The following GRIK2 variants were observed in gnomAD, a reference collection of about 807,000 sequenced individuals.
GRIK2 encodes glutamate ionotropic receptor kainate type subunit 2.
GRIK2 carries 32 observed loss-of-function variants against 100.3 expected under a neutral mutation model. That is an observed-to-expected ratio of 0.32 (90% CI 0.24 to 0.43). The LOEUF is 0.43. GRIK2 is among the 20% of genes least tolerant of loss of function. The pLI is 1.00. For synonymous variants in GRIK2, 417 were observed against 389.4 expected, an observed-to-expected ratio of 1.07 and a Z score of -0.83; for missense variants, 843 against 1,114.9, an observed-to-expected ratio of 0.76 and a Z score of 3.47.
At chr6:101,678,459 T>C (rs1771001110) in intron 5 of GRIK2, among the ~76,000 whole-genome samples, 1 of 152,022 alleles carries the variant, frequency 6.6e-6, no homozygotes, top group Non-Finnish European at 1.5e-5. Context: ...AATATGAAAG[T>C]TGAGATGAAT....
chr6:101,920,571 G>T (rs1698323010), intron 12 of GRIK2, among the ~76,000 whole-genome samples: 4 of 151,848 alleles, frequency 2.6e-5, no homozygotes, highest in Admixed American at 2.6e-4. Context: ...CTCTATTATA[G>T]ATATCCTCCA....
chr6:101,992,869 TA>T (rs1267907935), intron 14 of GRIK2, among the ~76,000 whole-genome samples: 6 of 151,498 alleles, frequency 4.0e-5, no homozygotes, highest in Non-Finnish European at 1.5e-5. Flanking sequence ...GTAGCTTCCT[TA>T]AAAAGGAGAT....
At chr6:101,525,778 G>T (rs1164060364) in intron 2 of GRIK2, among the ~76,000 whole-genome samples, 1 of 152,174 alleles carries the variant, frequency 6.6e-6, no homozygotes, top group Non-Finnish European at 1.5e-5. Flanking sequence ...AAAATAATGT[G>T]CATGTGTAAT....
chr6:101,933,440 C>T (rs753440090), intron 14 of GRIK2, among the ~76,000 whole-genome samples: 6 of 151,892 alleles, frequency 4.0e-5, no homozygotes, highest in African/African-American at 1.4e-4. Flanking sequence ...AACATTTTGT[C>T]ATTTTGTTTG....
At chr6:101,823,067 C>T (rs1272664157) in intron 10 of GRIK2, among the ~76,000 whole-genome samples, 3 of 152,090 alleles carry the variant, frequency 2.0e-5, no homozygotes. Flanking sequence ...CTACGGAGAA[C>T]ATTATTTAGG....
At chr6:101,792,615 A>G (rs1033804755) in intron 7 of GRIK2, among the ~76,000 whole-genome samples, 5 of 151,986 alleles carry the variant, frequency 3.3e-5, no homozygotes, top group Non-Finnish European at 7.4e-5. Flanking sequence ...GGGTAACCCG[A>G]CCTTTCTCTC....
intron 11 of GRIK2, among the ~76,000 whole-genome samples, chr6:101,865,460 C>T (rs1035654597): frequency 6.6e-6 from 1 of 152,070 alleles, no homozygotes. Context: ...GGTATTATCA[C>T]AAAAATGGAA....
chr6:101,544,745 A>G (rs889342839), intron 2 of GRIK2, among the ~76,000 whole-genome samples: 1 of 152,138 alleles, frequency 6.6e-6, no homozygotes, highest in Non-Finnish European at 1.5e-5. Context: ...TATTGTTATT[A>G]TTCTGCTCAC....
chr6:101,912,296 CT>C (rs1788775748), intron 12 of GRIK2, among the ~76,000 whole-genome samples: 2 of 151,222 alleles, frequency 1.3e-5, no homozygotes, highest in African/African-American at 4.8e-5. Flanking sequence ...CTTTAAAAAA[CT>C]CGTTTTCAAG....
intron 14 of GRIK2, among the ~76,000 whole-genome samples, chr6:101,933,086 A>G (rs1790389812): frequency 6.6e-6 from 1 of 152,006 alleles, no homozygotes; most frequent in Admixed American, 6.6e-5. Flanking sequence ...GAGAAAATCT[A>G]CAAGGTATTG....
chr6:101,859,553 GT>G, intron 11 of GRIK2, 60 bp downstream of exon 11: 1 of 931,482 alleles, frequency 1.1e-6, no homozygotes, highest in Non-Finnish European at 1.7e-6. Flanking sequence ...TTACTCTTTT[GT>G]TGATGTATAT....
chr6:101,942,208 A>G (rs959244623), intron 14 of GRIK2, among the ~76,000 whole-genome samples: 9 of 152,096 alleles, frequency 5.9e-5, no homozygotes, highest in African/African-American at 2.2e-4. Flanking sequence ...TGTAATCCCC[A>G]TGTGTTGAAA....
intron 11 of GRIK2, among the ~76,000 whole-genome samples, chr6:101,881,500 G>A (rs1441014778): frequency 1.3e-5 from 2 of 151,742 alleles, no homozygotes; most frequent in East Asian, 3.9e-4. Flanking sequence ...CATATTTGGA[G>A]TATTGATATG....
chr6:101,562,872 C>T (rs189293866), intron 2 of GRIK2, among the ~76,000 whole-genome samples: 1 of 152,206 alleles, frequency 6.6e-6, no homozygotes, highest in African/African-American at 2.4e-5. Context: ...GAATATCTAT[C>T]TGTGGTCTCT....
At chr6:101,422,875 T>G (rs748522637) in intron 2 of GRIK2, among the ~76,000 whole-genome samples, 1 of 152,168 alleles carries the variant, frequency 6.6e-6, no homozygotes, top group Non-Finnish European at 1.5e-5. Context: ...TAGAACTCTG[T>G]GTGGAGTTCT....
chr6:101,546,622 A>G (rs1002935273), intron 2 of GRIK2, among the ~76,000 whole-genome samples: 5 of 152,090 alleles, frequency 3.3e-5, no homozygotes, highest in African/African-American at 9.7e-5. Context: ...AGAGTGTTGC[A>G]TGGATTAAAT....
chr6:101,616,659 C>G (rs1383476178), intron 2 of GRIK2, among the ~76,000 whole-genome samples: 1 of 151,530 alleles, frequency 6.6e-6, no homozygotes, highest in Non-Finnish European at 1.5e-5. Flanking sequence ...AGTTTCCATC[C>G]TGTAAGTAGA....
At chr6:101,945,489 T>C (rs1460564163) in intron 14 of GRIK2, among the ~76,000 whole-genome samples, 5 of 152,152 alleles carry the variant, frequency 3.3e-5, no homozygotes. Context: ...TACTTTTGGT[T>C]GTACCTTCAA....
In GRIK2 at chr6:101,889,912, T is replaced by C. The variant is rs777045102; in HGVS notation, c.1748+49T>C. On this transcript the variant is annotated intron_variant, in intron 12 of 16. Transcript: ENST00000369134. ...TTTTTGGCAATTGTTACCTCCTTTA[T>C]CTAACTAATAATTGTCAAAAGTCAC... The C allele has an allele frequency of 3.1e-6, 3 of 965,152 alleles. No homozygotes were observed. In the East Asian group the frequency reaches 7.2e-5, roughly 23 times the overall value. The allele number at this position is 965,152 out of a possible 1,614,324, so 59.8% of individuals were successfully genotyped here.
Sources: allele counts gnomAD v4.1 joint callset (sites outside exome capture counted in the v4.1 genomes callset), GRCh38; gene constraint gnomAD v4.1.1; transcripts MANE v1.5; gene names NCBI Gene and HGNC (gene_info 2026-07-23, HGNC 2026-07-21).